Variants in BRDT observed in about 807,000 individuals in gnomAD.
BRDT encodes bromodomain testis-specific protein.
BRDT carries 77 observed loss-of-function variants against 113.9 expected under a neutral mutation model. The ratio of observed to expected loss-of-function variants is 0.68; its 90% confidence interval spans 0.56 to 0.82. The LOEUF (loss-of-function observed/expected upper bound fraction) is 0.82, where lower values mean the gene tolerates loss of function less well. BRDT is among the 40% of genes least tolerant of loss of function. BRDT has a pLI of 0.00. For missense variants in BRDT, 1,027 were observed against 1,105.4 expected (o/e 0.93, Z 1.01); for synonymous variants, 358 against 366.5 (o/e 0.98, Z 0.26).
intron 18 of BRDT, among the ~76,000 whole-genome samples, chr1:92,013,292 G>T (rs1483289830): frequency 6.6e-6 from 1 of 151,840 alleles, no homozygotes; most frequent in Admixed American, 6.6e-5. Flanking sequence ...CTCTAAGGCA[G>T]ATTTAAAGAA....
At chr1:91,993,991 A>G in intron 14 of BRDT, 92 bp from the exon 15 acceptor site, 1 of 1,039,288 alleles carries the variant, frequency 9.6e-7, no homozygotes, top group South Asian at 2.2e-5. Flanking sequence ...AGGTAGCATT[A>G]AATTATATTC....
At chr1:91,972,579 T>C (rs935534161) in intron 4 of BRDT, among the ~76,000 whole-genome samples, 21 of 152,358 alleles carry the variant, frequency 1.4e-4, no homozygotes, top group Non-Finnish European at 2.5e-4. Flanking sequence ...ATATTTACTG[T>C]GTTTCTCTCA....
chr1:91,970,505 G>A lies in BRDT; in HGVS notation c.445+2245G>A, dbSNP rs188685648. Among the ~76,000 whole-genome samples, 204 of 152,272 alleles carry A rather than the reference G, an allele frequency of 1.3e-3. 2 individuals carry two copies. Among genetic ancestry groups the A allele is most frequent in the East Asian group, 1.5e-3 (8 of 5,168 alleles). On this transcript the variant is annotated intron_variant, in intron 4 of 18. Transcript: ENST00000399546. Reference sequence around the variant, plus strand: ...TCATCTTGAACTCCTGGCTTCAAACGATCCTCATGCCTTGGCCTCCCAAAG... The same window carrying A: ...TCATCTTGAACTCCTGGCTTCAAACAATCCTCATGCCTTGGCCTCCCAAAG...
intron 4 of BRDT, 33 bp downstream of exon 4, chr1:91,968,293 T>C (rs974178334): frequency 6.2e-7 from 1 of 1,603,872 alleles, no homozygotes; most frequent in Non-Finnish European, 8.5e-7. Flanking sequence ...TATGGTTCTC[T>C]CTCTTTTTTT....
intron 18 of BRDT, among the ~76,000 whole-genome samples, chr1:92,009,120 C>T (rs1264392750): frequency 6.6e-6 from 1 of 152,126 alleles, no homozygotes; most frequent in African/African-American, 2.4e-5. Flanking sequence ...TCTCTACCCC[C>T]AACCTCTCCC....
intron 4 of BRDT, 129 bp downstream of exon 4, chr1:91,968,389 T>C (rs1159931181): frequency 1.5e-6 from 2 of 1,331,440 alleles, no homozygotes; most frequent in African/African-American, 1.5e-5. Context: ...TAATAAAAAA[T>C]GTCCATTTGA....
chr1:92,002,941 A>AT (rs770237331), intron 16 of BRDT, among the ~76,000 whole-genome samples: 1 of 152,054 alleles, frequency 6.6e-6, no homozygotes, highest in Non-Finnish European at 1.5e-5. Context: ...ATTTTTATAT[A>AT]TTTTTTCTCT....
At position 91,994,090 on chromosome 1, in the gene BRDT, A is replaced by G; in HGVS notation, c.2123A>G (p.Tyr708Cys). The G allele has an allele frequency of 6.2e-7, 1 of 1,603,454 alleles. No homozygotes were observed. The highest frequency in any genetic ancestry group is 8.5e-7 in the Non-Finnish European group (1 of 1,176,692). Reference sequence around the variant, plus strand: ...TTGATTTTGTTTTAACAGATAGGATATTGTGTGCAAGACACAACCTCTGCC... The same window carrying G: ...TTGATTTTGTTTTAACAGATAGGATGTTGTGTGCAAGACACAACCTCTGCC... ...EGRTGVTQIG[Y>C]CVQDTTSANT... is the part of the protein sequence containing the mutation. Residue 708 changes from tyrosine to cysteine, a missense_variant, in exon 15 of 19, where the codon TAT becomes TGT. Physicochemically the swap from Tyr to Cys is radical, Grantham distance 194. Coordinates refer to ENST00000399546, the MANE Select transcript of BRDT (RefSeq NM_207189.4).
chr1:92,005,170 C>T lies in BRDT; in HGVS notation c.2646C>T (p.Asn882=). The T allele has an allele frequency of 1.3e-6, 2 of 1,549,942 alleles. No individual in the cohort carries two copies. The highest frequency in any genetic ancestry group is 1.7e-6 in the Non-Finnish European group (2 of 1,154,416). ...AATCTTTTTCAAATAAAATACAAAACAAGTGCTCTGGAGAAGAGCAGAAAG... is the reference window on the plus strand; with the variant it reads ...AATCTTTTTCAAATAAAATACAAAATAAGTGCTCTGGAGAAGAGCAGAAAG... ...TVESFSNKIQ[N]KCSGEEQKEH... The change falls in exon 18 of 19, where the codon AAC becomes AAT. Residue 882 remains asparagine, a synonymous_variant. Transcript: ENST00000399546.
chr1:92,004,315 C>A, intron 16 of BRDT, 99 bp from the exon 17 acceptor site: 1 of 737,712 alleles, frequency 1.4e-6, no homozygotes, highest in Non-Finnish European at 2.2e-6. Context: ...CCTTTAGAAT[C>A]TTAATTAGAT....
intron 12 of BRDT, among the ~76,000 whole-genome samples, chr1:91,986,568 G>A (rs1685259656): frequency 6.6e-6 from 1 of 151,990 alleles, no homozygotes; most frequent in Non-Finnish European, 1.5e-5. Context: ...TTCATCCTTT[G>A]GACTTTTTGC....
chr1:91,956,004 A>G (rs954530795), intron 1 of BRDT, among the ~76,000 whole-genome samples: 28 of 152,244 alleles, frequency 1.8e-4, no homozygotes, highest in African/African-American at 6.8e-4. Flanking sequence ...TATATCAGCA[A>G]TTGTCAACAT....
intron 2 of BRDT, among the ~76,000 whole-genome samples, chr1:91,963,454 G>A (rs561688829): frequency 1.8e-4 from 27 of 152,254 alleles, no homozygotes; most frequent in African/African-American, 6.3e-4. Flanking sequence ...GTGATAAATT[G>A]TAATACATGT....
chr1:91,978,111 G>A (rs1684328169), intron 6 of BRDT, 57 bp from the exon 7 acceptor site: 1 of 1,474,046 alleles, frequency 6.8e-7, no homozygotes, highest in Non-Finnish European at 9.4e-7. Context: ...AATGTACGTG[G>A]TCAAATAATT....
chr1:91,974,507 T>G (rs891245468), intron 4 of BRDT, among the ~76,000 whole-genome samples: 3 of 152,226 alleles, frequency 2.0e-5, no homozygotes, highest in African/African-American at 7.2e-5. Flanking sequence ...AAGACATTTA[T>G]GCAGCCAGCA....
chr1:92,005,005 T>C (rs1570642114), intron 17 of BRDT, 114 bp from the exon 18 acceptor site: 2 of 799,970 alleles, frequency 2.5e-6, no homozygotes, highest in African/African-American at 1.8e-5. Flanking sequence ...AATAATGTTA[T>C]AACATGAACA....
intron 4 of BRDT, among the ~76,000 whole-genome samples, chr1:91,974,158 G>A (rs1022367300): frequency 3.3e-5 from 5 of 152,050 alleles, no homozygotes; most frequent in Non-Finnish European, 7.4e-5. Context: ...AGACTTAAAC[G>A]TTAGACCTAA....
chr1:91,995,993 G>T (rs1400743714), intron 15 of BRDT, among the ~76,000 whole-genome samples: 1 of 152,076 alleles, frequency 6.6e-6, no homozygotes, highest in African/African-American at 2.4e-5. Flanking sequence ...AATATCTAAG[G>T]CCACACTGGA....
intron 4 of BRDT, among the ~76,000 whole-genome samples, chr1:91,971,293 G>A (rs886416007): frequency 1.3e-5 from 2 of 152,138 alleles, no homozygotes; most frequent in African/African-American, 4.8e-5. Context: ...AAGATTTGAA[G>A]AGGACAAAAC....
Sources: allele counts gnomAD v4.1 joint callset (sites outside exome capture counted in the v4.1 genomes callset), GRCh38; gene constraint gnomAD v4.1.1; transcripts MANE v1.5; gene names NCBI Gene and HGNC (gene_info 2026-07-23, HGNC 2026-07-21).